The following ERI3 variants were observed in gnomAD, a reference collection of about 807,000 sequenced individuals.
ERI3 encodes the protein ERI1 exoribonuclease family member 3, also known as ERI1 exoribonuclease 3.
A neutral mutation model predicts 44.4 loss-of-function variants in ERI3; 18 were observed. That is an observed-to-expected ratio of 0.41 (90% CI 0.28 to 0.60). The LOEUF (loss-of-function observed/expected upper bound fraction) is 0.60, where lower values mean the gene tolerates loss of function less well. Among genes scored for constraint, ERI3 ranks in the 20% least tolerant of loss-of-function variants. ERI3 has a pLI of 0.36. For synonymous variants in ERI3, 183 were observed against 164.8 expected (o/e 1.11, Z -0.84); for missense variants, 294 against 435.5 (o/e 0.68, Z 2.89).
chr1:44,313,075 T>C (rs1646007820), intron 5 of ERI3, 94 bp downstream of exon 5: 6 of 1,055,374 alleles, frequency 5.7e-6, no homozygotes, highest in East Asian at 2.4e-5. Flanking sequence ...GCCATAATCA[T>C]AGTCAAATTA....
At chr1:44,293,167 C>T (rs1026101534) in intron 6 of ERI3, among the ~76,000 whole-genome samples, 6 of 152,196 alleles carry the variant, frequency 3.9e-5, no homozygotes, top group Admixed American at 3.3e-4. Flanking sequence ...AATGTCATGG[C>T]GGAGCTGAGA....
chr1:44,343,602 A>G (rs1266648326), intron 2 of ERI3, among the ~76,000 whole-genome samples: 2 of 152,238 alleles, frequency 1.3e-5, no homozygotes, highest in Admixed American at 1.3e-4. Context: ...TTTACTGAGG[A>G]AAGTCTAAAG....
chr1:44,333,058 C>A (rs757762275), intron 3 of ERI3, among the ~76,000 whole-genome samples: 3 of 152,196 alleles, frequency 2.0e-5, no homozygotes, highest in Non-Finnish European at 4.4e-5. Context: ...GGAGCCTGTA[C>A]AAGAACACTT....
intron 3 of ERI3, among the ~76,000 whole-genome samples, chr1:44,330,205 G>C (rs886376615): frequency 1.3e-5 from 2 of 152,116 alleles, no homozygotes; most frequent in African/African-American, 4.8e-5. Flanking sequence ...CCCCATTGTA[G>C]AGTATGAACA....
chr1:44,272,323 G>T (rs966378424), intron 7 of ERI3, among the ~76,000 whole-genome samples: 20 of 152,136 alleles, frequency 1.3e-4, no homozygotes, highest in Non-Finnish European at 2.9e-5. Flanking sequence ...TTCAGAGAGG[G>T]ACTTGCTCCA....
chr1:44,310,963 G>GCGCACGCGCGCGCGCACA (rs1373873768), intron 5 of ERI3, among the ~76,000 whole-genome samples: 1 of 123,202 alleles, frequency 8.1e-6, no homozygotes, highest in Non-Finnish European at 1.7e-5. Flanking sequence ...GCGCGCGCGC[G>GCGCACGCGCGCGCGCACA]CACACACACA....
At position 44,250,567 on chromosome 1, in the gene ERI3, C is replaced by G. The variant is rs1381462508; in HGVS notation, c.832-2529G>C. Among the ~76,000 whole-genome samples, 3 of 152,318 alleles carry G rather than the reference C, an allele frequency of 2.0e-5. No homozygotes were observed. In the East Asian group the frequency reaches 5.8e-4, roughly 29 times the overall value. ...AAGGAGGCAACCCGGTCCCGCCTGA[C>G]AGATGCCTTTCAGGAAGGGCAGTCT... On this transcript the variant is annotated intron_variant, in intron 7 of 8. Coordinates refer to ENST00000372257, the MANE Select transcript of ERI3 (RefSeq NM_024066.3).
intron 1 of ERI3, chr1:44,354,456 GACC>G: frequency 1.0e-6 from 1 of 985,320 alleles, no homozygotes; most frequent in African/African-American, 1.7e-5. Context: ...CCTGTTGCTG[GACC>G]ATTTGCAAGA....
At chr1:44,239,838 T>C (rs1488371229) in intron 8 of ERI3, among the ~76,000 whole-genome samples, 1 of 152,084 alleles carries the variant, frequency 6.6e-6, no homozygotes, top group Non-Finnish European at 1.5e-5. Context: ...AAGGGAGGCT[T>C]TGAGGCCTCA....
chr1:44,223,462 C>T (rs551695040), intron 8 of ERI3, among the ~76,000 whole-genome samples: 261 of 152,164 alleles, frequency 1.7e-3, no homozygotes, highest in Middle Eastern at 3.4e-3. Flanking sequence ...ATTTTCTTCC[C>T]AAATAAGTCT....
chr1:44,231,128 T>A (rs1004414672), intron 8 of ERI3, among the ~76,000 whole-genome samples: 27 of 152,230 alleles, frequency 1.8e-4, no homozygotes, highest in Middle Eastern at 3.2e-3. Context: ...ATCGTTTATA[T>A]AATTTTGTGC....
chr1:44,298,979 C>T (rs539476466), intron 6 of ERI3, among the ~76,000 whole-genome samples: 1 of 152,292 alleles, frequency 6.6e-6, no homozygotes, highest in South Asian at 2.1e-4. Flanking sequence ...CTAACCAAAA[C>T]TAACAGAAGT....
At chr1:44,354,866 TGGC>T in intron 1 of ERI3, 23 bp downstream of exon 1, 1 of 1,313,704 alleles carries the variant, frequency 7.6e-7, no homozygotes, top group South Asian at 3.1e-5. Context: ...GGCCCAATCT[TGGC>T]GGGGCCATTC....
At chr1:44,267,519 T>C (rs963375776) in intron 7 of ERI3, among the ~76,000 whole-genome samples, 2 of 152,210 alleles carry the variant, frequency 1.3e-5, no homozygotes, top group Non-Finnish European at 2.9e-5. Flanking sequence ...GCATTTTATA[T>C]CTTTTTATGA....
intron 7 of ERI3, among the ~76,000 whole-genome samples, chr1:44,275,962 T>G (rs1330749667): frequency 6.6e-6 from 1 of 152,160 alleles, no homozygotes; most frequent in Non-Finnish European, 1.5e-5. Context: ...AAGTTAAAGA[T>G]TAGGCATCGG....
intron 7 of ERI3, among the ~76,000 whole-genome samples, chr1:44,248,950 C>T (rs1179028495): frequency 6.6e-6 from 1 of 151,982 alleles, no homozygotes; most frequent in Non-Finnish European, 1.5e-5. Flanking sequence ...CACGGCAGCT[C>T]AGGGGCAGCG....
intron 7 of ERI3, among the ~76,000 whole-genome samples, chr1:44,249,306 C>A (rs1644625675): frequency 6.6e-6 from 1 of 152,194 alleles, no homozygotes; most frequent in Admixed American, 6.5e-5. Flanking sequence ...TGACTGCCAG[C>A]TGTGAGTAGA....
chr1:44,341,589 A>C lies in ERI3; in HGVS notation c.212-2267T>G, dbSNP rs369489589. ...TGCTTTCTCACCTGATTTCATCTAC[A>C]TCAAAAAGCTTCTTTTGGCCAAGCA... On this transcript the variant is annotated intron_variant, in intron 2 of 8. Transcript: ENST00000372257. Among the ~76,000 whole-genome samples, 4 of 152,300 alleles carry C rather than the reference A, an allele frequency of 2.6e-5. No homozygotes were observed. The East Asian group carries it at 5.8e-4, about 22-fold the overall frequency.
intron 3 of ERI3, among the ~76,000 whole-genome samples, chr1:44,322,412 C>A (rs1380476217): frequency 6.6e-6 from 1 of 151,964 alleles, no homozygotes; most frequent in African/African-American, 2.4e-5. Context: ...GGGGGTAGGC[C>A]CCTGAAATTC....
Sources: allele counts gnomAD v4.1 joint callset (sites outside exome capture counted in the v4.1 genomes callset), GRCh38; gene constraint gnomAD v4.1.1; transcripts MANE v1.5; gene names NCBI Gene and HGNC (gene_info 2026-07-23, HGNC 2026-07-21).